The following RBFOX1 variants were observed in gnomAD, a reference collection of about 807,000 sequenced individuals.
RBFOX1 encodes the protein RNA binding fox-1 homolog 1.
A neutral mutation model predicts 57.7 loss-of-function variants in RBFOX1; 8 were observed. That is an observed-to-expected ratio of 0.14 (90% CI 0.08 to 0.25). The LOEUF (loss-of-function observed/expected upper bound fraction) is 0.25. RBFOX1 is among the 10% of genes least tolerant of loss of function. RBFOX1 has a pLI of 1.00. For synonymous variants in RBFOX1, 326 were observed against 222.4 expected (o/e 1.47, Z -4.15); for missense variants, 611 against 548.5 (o/e 1.11, Z -1.14).
intron 2 of RBFOX1, among the ~76,000 whole-genome samples, chr16:6,543,546 C>T (rs150706836): frequency 1.2e-4 from 18 of 152,094 alleles, no homozygotes; most frequent in African/African-American, 4.1e-4. Flanking sequence ...GCTTTTTATA[C>T]CTTACTGTGG....
At chr16:5,549,997 G>A (rs1327826603) in intron 2 of RBFOX1, among the ~76,000 whole-genome samples, 1 of 152,206 alleles carries the variant, frequency 6.6e-6, no homozygotes, top group Non-Finnish European at 1.5e-5. Context: ...ATTGCTCAAT[G>A]TCTCAGCCCA....
intron 4 of RBFOX1, among the ~76,000 whole-genome samples, chr16:5,875,684 T>A (rs1049432181): frequency 6.6e-6 from 1 of 152,160 alleles, no homozygotes; most frequent in Non-Finnish European, 1.5e-5. Context: ...TGAACCCACA[T>A]GGAAGCATCA....
intron 4 of RBFOX1, among the ~76,000 whole-genome samples, chr16:7,176,844 T>A (rs893631263): frequency 6.6e-6 from 1 of 152,032 alleles, no homozygotes; most frequent in Non-Finnish European, 1.5e-5. Context: ...AAGAAAAAAA[T>A]ACAGAAATGT....
At chr16:5,734,463 A>T (rs1221510186) in intron 3 of RBFOX1, among the ~76,000 whole-genome samples, 1 of 152,208 alleles carries the variant, frequency 6.6e-6, no homozygotes, top group East Asian at 1.9e-4. Flanking sequence ...AAAACAGCAC[A>T]TGCTTTCATG....
chr16:5,834,492 T>C (rs988000635), intron 3 of RBFOX1, among the ~76,000 whole-genome samples: 1 of 152,192 alleles, frequency 6.6e-6, no homozygotes, highest in African/African-American at 2.4e-5. Context: ...TTTTTCTTTA[T>C]CCACTCATCT....
intron 3 of RBFOX1, among the ~76,000 whole-genome samples, chr16:7,018,332 G>A (rs73536838): frequency 0.045 from 6,790 of 152,106 alleles, 530 homozygotes; most frequent in African/African-American, 0.15. Flanking sequence ...CCTAACCTCC[G>A]GGAGTTGTTT....
At chr16:6,154,086 C>A (rs1567573844) in intron 1 of RBFOX1, among the ~76,000 whole-genome samples, 1 of 152,218 alleles carries the variant, frequency 6.6e-6, no homozygotes, top group Non-Finnish European at 1.5e-5. Context: ...TGGTGATTCA[C>A]ACAGGAAGGG....
chr16:5,580,239 C>G (rs2046617877), intron 2 of RBFOX1, among the ~76,000 whole-genome samples: 1 of 152,190 alleles, frequency 6.6e-6, no homozygotes, highest in Non-Finnish European at 1.5e-5. Flanking sequence ...GCCTGAAGAG[C>G]CAGTGAGGGC....
intron 3 of RBFOX1, among the ~76,000 whole-genome samples, chr16:6,965,112 C>A (rs888067810): frequency 6.6e-6 from 1 of 152,060 alleles, no homozygotes; most frequent in African/African-American, 2.4e-5. Context: ...GTGGGTTTAT[C>A]TAGACTCTGC....
chr16:6,948,277 T>C (rs575950018), intron 3 of RBFOX1, among the ~76,000 whole-genome samples: 1 of 144,984 alleles, frequency 6.9e-6, no homozygotes, highest in South Asian at 2.3e-4. Flanking sequence ...AAGAAAAACA[T>C]AAAATAAAAA....
At chr16:6,063,709 C>G (rs1171670912) in intron 1 of RBFOX1, among the ~76,000 whole-genome samples, 1 of 152,104 alleles carries the variant, frequency 6.6e-6, no homozygotes, top group Non-Finnish European at 1.5e-5. Flanking sequence ...GGTCCTGTCA[C>G]CAGGGCAACC....
chr16:6,716,315 G>C (rs1433858135), intron 3 of RBFOX1, among the ~76,000 whole-genome samples: 3 of 152,098 alleles, frequency 2.0e-5, no homozygotes, highest in Non-Finnish European at 2.9e-5. Context: ...TCCCTTCTGT[G>C]GGGTATTTTC....
intron 1 of RBFOX1, among the ~76,000 whole-genome samples, chr16:6,177,847 C>T (rs904117747): frequency 5.4e-5 from 8 of 148,886 alleles, no homozygotes; most frequent in Admixed American, 6.8e-5. Flanking sequence ...GCTAGAGCCA[C>T]GGGGATTTGA....
intron 11 of RBFOX1, among the ~76,000 whole-genome samples, chr16:7,641,176 A>G (rs1461206219): frequency 3.3e-5 from 5 of 152,150 alleles, no homozygotes; most frequent in Non-Finnish European, 7.3e-5. Flanking sequence ...TTCATCAAAT[A>G]CCAGTCTTCT....
At chr16:6,672,693 G>C (rs1157871345) in intron 3 of RBFOX1, among the ~76,000 whole-genome samples, 2 of 152,144 alleles carry the variant, frequency 1.3e-5, no homozygotes, top group Admixed American at 6.5e-5. Flanking sequence ...TTCCGCTTCT[G>C]CTTTTCTGCT....
At chr16:5,646,234 C>G (rs1047961108) in intron 3 of RBFOX1, among the ~76,000 whole-genome samples, 4 of 144,380 alleles carry the variant, frequency 2.8e-5, no homozygotes, top group Non-Finnish European at 6.0e-5. Context: ...ACCGTGTTAG[C>G]CAGGATGGTC....
chr16:7,167,869 A>G (rs926891799), intron 4 of RBFOX1, among the ~76,000 whole-genome samples: 209 of 152,298 alleles, frequency 1.4e-3, no homozygotes, highest in African/African-American at 4.7e-3. Flanking sequence ...CCCTCTGCGA[A>G]AAAAGTGTGC....
chr16:7,098,525 C>T (rs991928590), intron 4 of RBFOX1, among the ~76,000 whole-genome samples: 6 of 152,164 alleles, frequency 3.9e-5, no homozygotes, highest in African/African-American at 1.4e-4. Context: ...AGATAGCATA[C>T]TTTACTTTAT....
intron 3 of RBFOX1, among the ~76,000 whole-genome samples, chr16:6,729,997 T>C (rs8054013): frequency 0.91 from 137,773 of 152,098 alleles, 64,023 homozygotes; most frequent in East Asian, 1. Flanking sequence ...ACTTGTTGAA[T>C]ATTTTTGTCT....
Sources: gnomAD v4.1 joint callset for allele counts (sites outside exome capture counted in the v4.1 genomes callset) on GRCh38, gnomAD v4.1.1 for gene constraint, MANE v1.5 for transcripts, NCBI Gene and HGNC (gene_info 2026-07-23, HGNC 2026-07-21) for gene names.